CCSER1: variants seen among roughly 807,000 people sequenced by gnomAD.
CCSER1 encodes the protein coiled-coil serine rich protein 1, also known as serine-rich coiled-coil domain-containing protein 1.
CCSER1 carries 41 observed loss-of-function variants against 82.0 expected under a neutral mutation model. The ratio of observed to expected loss-of-function variants is 0.50; its 90% CI spans 0.39 to 0.65. The LOEUF is 0.65. CCSER1 is among the 30% of genes least tolerant of loss of function. The pLI is 0.00. For synonymous variants in CCSER1, 414 were observed against 383.9 expected, an observed-to-expected ratio of 1.08 and a Z score of -0.92; for missense variants, 1,119 against 1,064.2, an observed-to-expected ratio of 1.05 and a Z score of -0.72.
chr4:90,226,640 T>A (rs1743211748), intron 1 of CCSER1, among the ~76,000 whole-genome samples: 1 of 152,240 alleles, frequency 6.6e-6, no homozygotes, highest in African/African-American at 2.4e-5. Context: ...TTAACTTCAG[T>A]GTGATGAAGC....
chr4:90,502,282 G>A (rs1193273000), intron 5 of CCSER1, among the ~76,000 whole-genome samples: 1 of 151,984 alleles, frequency 6.6e-6, no homozygotes, highest in Non-Finnish European at 1.5e-5. Context: ...TCTTCATGTG[G>A]CAGCAGGAGA....
intron 7 of CCSER1, among the ~76,000 whole-genome samples, chr4:90,726,289 A>G (rs1743624544): frequency 6.6e-6 from 1 of 152,016 alleles, no homozygotes; most frequent in Non-Finnish European, 1.5e-5. Context: ...GAATTCAACC[A>G]CATCATTTGA....
At chr4:91,119,030 G>A (rs1581591909) in intron 10 of CCSER1, among the ~76,000 whole-genome samples, 1 of 152,252 alleles carries the variant, frequency 6.6e-6, no homozygotes, top group East Asian at 1.9e-4. Context: ...GAGGTGTGAA[G>A]GAGTGAGTTA....
rs1554046018 is a variant in CCSER1, at chr4:90,932,908, G to GAA, written c.2172+9462_2172+9463insAA. ...AAAGAAAGAAGGAAGGAGAAAGAAG[G>GAA]AGAAAGAAAGAAAGAAAGAAAGAAA... On this transcript the variant is annotated intron_variant, in intron 9 of 10. Coordinates refer to ENST00000509176, the MANE Select transcript of CCSER1 (RefSeq NM_001145065.2). Among the ~76,000 whole-genome samples, 75 of 33,488 alleles carry GAA rather than the reference G, an allele frequency of 2.2e-3. 10 individuals carry two copies. Among genetic ancestry groups the GAA allele is most frequent in the Middle Eastern group, 0.012 (1 of 84 alleles). The allele number at this position is 33,488 out of a possible 152,430, so 22.0% of individuals were successfully genotyped here. A position where few individuals can be genotyped will look rare whatever the true frequency, so the allele number is the denominator to read the frequency against.
chr4:91,222,547 C>T (rs1022604542), intron 10 of CCSER1, among the ~76,000 whole-genome samples: 1 of 152,080 alleles, frequency 6.6e-6, no homozygotes, highest in Non-Finnish European at 1.5e-5. Context: ...AAATAAGCTT[C>T]CCATTATAAT....
chr4:90,345,174 A>G (rs948653441), intron 3 of CCSER1, among the ~76,000 whole-genome samples: 2 of 152,146 alleles, frequency 1.3e-5, no homozygotes, highest in African/African-American at 2.4e-5. Flanking sequence ...CTGGCCTTTA[A>G]TACAAACATT....
intron 10 of CCSER1, among the ~76,000 whole-genome samples, chr4:91,092,096 C>T (rs1483082582): frequency 6.6e-6 from 1 of 152,128 alleles, no homozygotes; most frequent in East Asian, 1.9e-4. Flanking sequence ...GGGCCTGTAT[C>T]CATTTTAATC....
At chr4:90,162,605 A>T (rs1304040411) in intron 1 of CCSER1, among the ~76,000 whole-genome samples, 1 of 152,130 alleles carries the variant, frequency 6.6e-6, no homozygotes, top group Non-Finnish European at 1.5e-5. Context: ...CTAAAAAAAA[A>T]GTTAAGACAT....
At chr4:91,409,163 C>A (rs1178859847) in intron 10 of CCSER1, among the ~76,000 whole-genome samples, 1 of 152,162 alleles carries the variant, frequency 6.6e-6, no homozygotes, top group South Asian at 2.1e-4. Context: ...CTCAGTAGAC[C>A]TTTTCCCCTA....
At chr4:91,556,942 G>A (rs1435883250) in intron 10 of CCSER1, among the ~76,000 whole-genome samples, 2 of 150,990 alleles carry the variant, frequency 1.3e-5, no homozygotes, top group Non-Finnish European at 3.0e-5. Flanking sequence ...CCATTTTTTA[G>A]TTTTTGGTGA....
intron 10 of CCSER1, among the ~76,000 whole-genome samples, chr4:91,293,983 T>C (rs1384646494): frequency 6.6e-6 from 1 of 151,906 alleles, no homozygotes; most frequent in Non-Finnish European, 1.5e-5. Flanking sequence ...CTTTTCATCC[T>C]CCCCAGCCCT....
At chr4:91,441,863 C>T (rs1755180316) in intron 10 of CCSER1, among the ~76,000 whole-genome samples, 2 of 151,950 alleles carry the variant, frequency 1.3e-5, no homozygotes, top group South Asian at 4.1e-4. Flanking sequence ...AGTGAGCTCC[C>T]ATTCACAATT....
chr4:90,706,403 G>A (rs1036230899), intron 6 of CCSER1, among the ~76,000 whole-genome samples: 2 of 152,086 alleles, frequency 1.3e-5, no homozygotes, highest in Non-Finnish European at 2.9e-5. Context: ...CTGTGATTGT[G>A]CTGCTGCACT....
chr4:90,200,051 C>T (rs993402658), intron 1 of CCSER1, among the ~76,000 whole-genome samples: 2 of 136,384 alleles, frequency 1.5e-5, no homozygotes, highest in Admixed American at 1.5e-4. Context: ...CCCTGACATG[C>T]GTGCACGCAG....
intron 1 of CCSER1, among the ~76,000 whole-genome samples, chr4:90,300,411 A>G (rs1168920532): frequency 2.0e-5 from 3 of 152,108 alleles, no homozygotes; most frequent in African/African-American, 7.2e-5. Context: ...TGTCTTTGTG[A>G]TGTAGTATCT....
intron 10 of CCSER1, among the ~76,000 whole-genome samples, chr4:91,095,069 T>TG (rs34697897): frequency 6.6e-6 from 1 of 152,138 alleles, no homozygotes; most frequent in Non-Finnish European, 1.5e-5. Flanking sequence ...AGAGGGCCAC[T>TG]GGGGTGGTTA....
intron 10 of CCSER1, among the ~76,000 whole-genome samples, chr4:91,291,208 ATAAAT>A (rs1743718798): frequency 6.8e-6 from 1 of 147,590 alleles, no homozygotes; most frequent in Non-Finnish European, 1.5e-5. Flanking sequence ...CACTGATAAC[ATAAAT>A]TAAAGTCAAG....
intron 10 of CCSER1, among the ~76,000 whole-genome samples, chr4:91,284,063 A>AT (rs1743103312): frequency 6.6e-6 from 1 of 152,120 alleles, no homozygotes; most frequent in East Asian, 1.9e-4. Flanking sequence ...ACTGCATTGC[A>AT]ATGTGGCCAA....
intron 6 of CCSER1, among the ~76,000 whole-genome samples, chr4:90,698,811 T>A (rs1361522184): frequency 2.6e-5 from 4 of 152,122 alleles, no homozygotes; most frequent in Non-Finnish European, 5.9e-5. Context: ...GTAAACCAAC[T>A]CAACAAGAGT....
Sources: gnomAD v4.1 joint callset for allele counts (sites outside exome capture counted in the v4.1 genomes callset) on GRCh38, gnomAD v4.1.1 for gene constraint, MANE v1.5 for transcripts, NCBI Gene and HGNC (gene_info 2026-07-23, HGNC 2026-07-21) for gene names.